Variants in MYO16 observed in about 807,000 individuals in gnomAD.
MYO16 encodes unconventional myosin-XVI.
A neutral mutation model predicts 205.3 loss-of-function variants in MYO16; 94 were observed. The observed-to-expected ratio is 0.46, with a 90% CI of 0.39 to 0.54. The LOEUF is 0.54. MYO16 is among the 20% of genes least tolerant of loss of function. MYO16 has a pLI of 0.00. For missense variants in MYO16, 2,315 were observed against 2,387.5 expected (o/e 0.97, Z 0.63); for synonymous variants, 988 against 954.0 (o/e 1.04, Z -0.66).
intron 6 of MYO16, among the ~76,000 whole-genome samples, chr13:108,795,714 T>C (rs1886770387): frequency 6.6e-6 from 1 of 152,234 alleles, no homozygotes; most frequent in African/African-American, 2.4e-5. Context: ...CCACATGCTA[T>C]GAACAAAATA....
At chr13:108,626,810 A>G (rs1879754922), upstream of MYO16, among the ~76,000 whole-genome samples, 1 of 150,770 alleles carries the variant, frequency 6.6e-6, no homozygotes, top group South Asian at 2.1e-4. Context: ...ATCTCAAAAG[A>G]GAAAATAAAA....
chr13:108,652,149 G>T (rs556145377), intron 1 of MYO16, among the ~76,000 whole-genome samples: 1 of 147,656 alleles, frequency 6.8e-6, no homozygotes, highest in South Asian at 2.1e-4. Flanking sequence ...CAATGTGTGT[G>T]TGTGTGCGCG....
At chr13:109,023,659 G>A (rs1202572111) in intron 23 of MYO16, among the ~76,000 whole-genome samples, 4 of 76,896 alleles carry the variant, frequency 5.2e-5, no homozygotes, top group South Asian at 5.1e-4. Context: ...ATGTATATAT[G>A]TATATATGCA....
At chr13:108,610,088 G>A (rs943654059) in intron 1 of MYO16, among the ~76,000 whole-genome samples, 15 of 152,090 alleles carry the variant, frequency 9.9e-5, no homozygotes, top group Admixed American at 2.0e-4. Flanking sequence ...CACCTGAAAC[G>A]GGTATCCAGG....
intron 10 of MYO16, among the ~76,000 whole-genome samples, chr13:108,845,683 A>G (rs967698145): frequency 2.0e-5 from 3 of 152,178 alleles, no homozygotes; most frequent in African/African-American, 7.2e-5. Flanking sequence ...CCACAGTTCT[A>G]GACAAATCAA....
the MYO16 span, among the ~76,000 whole-genome samples, chr13:108,579,489 A>T: frequency 0.36 from 52,536 of 145,412 alleles, 10,494 homozygotes; most frequent in Non-Finnish European, 0.45. Flanking sequence ...CACCCAGATT[A>T]GAGTGCAGTG....
At chr13:109,001,617 T>C (rs1048697229) in intron 21 of MYO16, among the ~76,000 whole-genome samples, 27 of 152,078 alleles carry the variant, frequency 1.8e-4, no homozygotes, top group African/African-American at 6.3e-4. Context: ...CTCACCAACC[T>C]CCTGTACCTG....
At chr13:109,073,684 T>C (rs188941873) in intron 27 of MYO16, among the ~76,000 whole-genome samples, 52 of 152,350 alleles carry the variant, frequency 3.4e-4, no homozygotes, top group African/African-American at 1.2e-3. Context: ...AAATGTTATA[T>C]ACATTGACCA....
At chr13:108,866,932 A>G (rs935609715) in intron 12 of MYO16, among the ~76,000 whole-genome samples, 4 of 152,128 alleles carry the variant, frequency 2.6e-5, no homozygotes, top group African/African-American at 9.7e-5. Flanking sequence ...GGACAGAGAG[A>G]GGAGAGAAAA....
At chr13:108,902,978 C>T (rs1057265172) in intron 15 of MYO16, among the ~76,000 whole-genome samples, 3 of 152,216 alleles carry the variant, frequency 2.0e-5, no homozygotes, top group Non-Finnish European at 4.4e-5. Context: ...CTCCATCCAG[C>T]CTGGAAAGTG....
the MYO16 span, among the ~76,000 whole-genome samples, chr13:108,553,274 A>T: frequency 6.6e-6 from 1 of 152,056 alleles, no homozygotes; most frequent in African/African-American, 2.4e-5. Flanking sequence ...TACAGGTGTG[A>T]GCCACCGCGC....
At chr13:108,885,020 C>T (rs1879800306) in intron 13 of MYO16, among the ~76,000 whole-genome samples, 1 of 151,932 alleles carries the variant, frequency 6.6e-6, no homozygotes, top group Non-Finnish European at 1.5e-5. Context: ...CTGAGACGGG[C>T]TCTCACCAAT....
intron 22 of MYO16, among the ~76,000 whole-genome samples, chr13:109,009,516 G>A (rs980818164): frequency 1.1e-4 from 17 of 152,166 alleles, no homozygotes; most frequent in African/African-American, 3.9e-4. Context: ...GAGTCTCACA[G>A]CATCTGCAGG....
chr13:108,795,406 C>T (rs1188553345), intron 6 of MYO16, among the ~76,000 whole-genome samples: 4 of 152,074 alleles, frequency 2.6e-5, no homozygotes, highest in Non-Finnish European at 5.9e-5. Flanking sequence ...GACGGGGTTT[C>T]ACCATGTTAG....
At chr13:109,159,070 A>T (rs889424401) in intron 32 of MYO16, among the ~76,000 whole-genome samples, 5 of 152,236 alleles carry the variant, frequency 3.3e-5, no homozygotes, top group African/African-American at 1.2e-4. Context: ...AATTTTAAAA[A>T]ACTATGTATG....
At chr13:109,171,890 T>C (rs1433192393) in intron 33 of MYO16, among the ~76,000 whole-genome samples, 3 of 152,246 alleles carry the variant, frequency 2.0e-5, no homozygotes, top group East Asian at 1.9e-4. Flanking sequence ...GTATACGTTG[T>C]CTATTTTTAA....
intron 21 of MYO16, among the ~76,000 whole-genome samples, chr13:109,001,494 G>A (rs572148568): frequency 6.6e-6 from 1 of 152,136 alleles, no homozygotes; most frequent in Non-Finnish European, 1.5e-5. Flanking sequence ...GAGTAAACAT[G>A]ACCTTTCCCA....
chr13:108,646,947 T>G (rs1361240090), intron 1 of MYO16, among the ~76,000 whole-genome samples: 1 of 152,140 alleles, frequency 6.6e-6, no homozygotes, highest in Non-Finnish European at 1.5e-5. Context: ...ATTTCCTACT[T>G]GAAGCATTGT....
the MYO16 span, among the ~76,000 whole-genome samples, chr13:108,548,070 A>G: frequency 1.3e-5 from 2 of 152,242 alleles, no homozygotes; most frequent in Middle Eastern, 3.2e-3. Context: ...TTTTCTTCTT[A>G]TATGAAATAT....
Sources: gnomAD v4.1 joint callset for allele counts (sites outside exome capture counted in the v4.1 genomes callset) on GRCh38, gnomAD v4.1.1 for gene constraint, MANE v1.5 for transcripts, NCBI Gene and HGNC (gene_info 2026-07-23, HGNC 2026-07-21) for gene names.